FBH1: variants seen among roughly 807,000 people sequenced by gnomAD.
The protein encoded by FBH1 is F-box DNA helicase 1.
FBH1 carries 43 observed loss-of-function variants against 115.5 expected under a neutral mutation model. The observed-to-expected ratio is 0.37, with a 90% CI of 0.29 to 0.48. FBH1 has a LOEUF of 0.48. Ranked by LOEUF, FBH1 falls within the 20% of genes least tolerant of loss-of-function variation. The pLI, the probability that FBH1 is intolerant of heterozygous loss-of-function variation, is 0.99. For synonymous variants in FBH1, 524 were observed against 507.8 expected (o/e 1.03, Z -0.43); for missense variants, 1,001 against 1,337.3 (o/e 0.75, Z 3.92).
At position 5,933,054 on chromosome 10, in the gene FBH1, G is replaced by T. The variant is rs543736799; in HGVS notation, c.2830-3402G>T. ...TCTAGATGTTGCCAATTTTTTCATGGAGATTGTTATCACTTTAGAGTCCCA... is the reference window on the plus strand; with the variant it reads ...TCTAGATGTTGCCAATTTTTTCATGTAGATTGTTATCACTTTAGAGTCCCA... On this transcript the variant is annotated intron_variant, in intron 19 of 20. Transcript: ENST00000362091. The surrounding 1 kb of genome is among the most constrained non-coding windows in gnomAD (Gnocchi z 4.9). 2.6e-5 allele frequency among the ~76,000 whole-genome samples: 4 copies of T among 152,090 alleles called. No homozygotes were observed. Among genetic ancestry groups the T allele is most frequent in the African/African-American group, 9.7e-5 (4 of 41,440 alleles).
intron 19 of FBH1, among the ~76,000 whole-genome samples, chr10:5,930,780 C>T (rs756857401): frequency 7.9e-5 from 12 of 152,230 alleles, no homozygotes; most frequent in Non-Finnish European, 1.6e-4. Context: ...GACAGGCTCT[C>T]ACTCTGTTGC....
In FBH1 at chr10:5,917,471, G is replaced by A; in HGVS notation, c.1840G>A (p.Glu614Lys). ...RLWDNMRKLG[E>K]CTEEAHQMTH... is the part of the protein sequence containing the mutation. The stretch of plus-strand genomic sequence containing the variant: ...CTGGGATAACATGCGGAAGCTGGGG[G>A]AGTGCACAGAAGAGGCGCACCAGAT... The change falls in exon 11 of 21, where the codon GAG becomes AAG. Residue 614 changes from glutamate (E) to lysine (K), a missense_variant. Physicochemically the swap from Glu to Lys is moderately conservative, Grantham distance 56. This residue lies in a region of FBH1 where 521 missense variants were observed against 811.0 expected (regional missense o/e 0.64). Coordinates refer to ENST00000362091, the MANE Select transcript of FBH1 (RefSeq NM_178150.3). This position sits in a 1 kb window ranked among gnomAD's most constrained non-coding sequence, Gnocchi z 5.6. The A allele has an allele frequency of 6.2e-7, 1 of 1,614,248 alleles. No individual in the cohort carries two copies. The highest frequency in any genetic ancestry group is 8.5e-7 in the Non-Finnish European group (1 of 1,180,052).
chr10:5,908,934 TG>T lies in FBH1; in HGVS notation c.765del (p.Trp255Ter). ...EIISDPLFIP[W>X]KKLYHRYLMN... ...TTTTTTAACTGCATAGTTCATTCCT[TG>T]GAAGAAGCTGTACCATCGATACCTG... is the stretch of plus-strand genomic sequence containing the variant. On this transcript the variant is annotated frameshift_variant, in exon 4 of 21. Transcript: ENST00000362091. LOFTEE classifies it high-confidence loss of function. The T allele has an allele frequency of 6.2e-7, 1 of 1,614,168 alleles. No individual in the cohort carries two copies. The highest frequency in any genetic ancestry group is 8.5e-7 in the Non-Finnish European group (1 of 1,180,042).
chr10:5,904,098 A>G (rs1031203672), intron 2 of FBH1, among the ~76,000 whole-genome samples: 14 of 151,840 alleles, frequency 9.2e-5, no homozygotes, highest in African/African-American at 3.4e-4. Flanking sequence ...TCTGTCATCC[A>G]GGAGTGCAGT....
In FBH1 at chr10:5,924,385, G is replaced by A. The variant is rs1171766696; in HGVS notation, c.2473G>A (p.Val825Met). The change falls in exon 17 of 21, where the codon GTG becomes ATG. Residue 825 changes from valine to methionine, a missense_variant. Transcript: ENST00000362091. The surrounding 1 kb of genome is among the most constrained non-coding windows in gnomAD (Gnocchi z 6.2). Reference sequence around the variant, plus strand: ...AGGCTTTAGTGGCTTCAAGAGGTATGTGACCGCTGCCGAGGACAAGGAGCT... The same window carrying A: ...AGGCTTTAGTGGCTTCAAGAGGTATATGACCGCTGCCGAGGACAAGGAGCT... The part of the protein sequence containing the change: ...KEGFSGFKRY[V>M]TAAEDKELEA... 6.2e-7 allele frequency: 1 copy of A among 1,614,226 alleles called. No homozygotes were observed. The highest frequency in any genetic ancestry group is 1.3e-5 in the African/African-American group (1 of 75,068).
rs1222684900 is a variant in FBH1, at chr10:5,913,010, G to A, written c.1212-737G>A. On this transcript the variant is annotated intron_variant, in intron 6 of 20. Transcript: ENST00000362091. This position sits in a 1 kb window ranked among gnomAD's most constrained non-coding sequence, Gnocchi z 4.4. ...GATGGGCTCTTTTCGCTCTGGGGAT[G>A]GGGGGCAGTGCACTCGATTGTTGGG... Among the ~76,000 whole-genome samples the A allele has an allele frequency of 1.3e-5, 2 of 152,150 alleles. No individual in the cohort carries two copies. The highest frequency in any genetic ancestry group is 1.3e-4 in the Admixed American group (2 of 15,286).
At chr10:5,929,257 A>G (rs1832833600) in intron 19 of FBH1, 1 of 152,224 alleles carries the variant, frequency 6.6e-6, no homozygotes, top group Admixed American at 6.5e-5. Context: ...TAAAAGAGAG[A>G]AGCTTTGCAA....
At chr10:5,912,803 A>G (rs950448555) in intron 6 of FBH1, among the ~76,000 whole-genome samples, 1 of 152,076 alleles carries the variant, frequency 6.6e-6, no homozygotes, top group Admixed American at 6.6e-5. Flanking sequence ...TCCACACACC[A>G]CATTGGGGTA....
intron 1 of FBH1, among the ~76,000 whole-genome samples, chr10:5,890,593 C>T (rs1272570547): frequency 6.6e-6 from 1 of 151,186 alleles, no homozygotes; most frequent in Non-Finnish European, 1.5e-5. Context: ...CGGGAGCGGC[C>T]CCCGCGCTGC....
chr10:5,927,749 C>G (rs575100435), intron 19 of FBH1, among the ~76,000 whole-genome samples: 1 of 152,066 alleles, frequency 6.6e-6, no homozygotes, highest in Non-Finnish European at 1.5e-5. Flanking sequence ...AAGTCATTTC[C>G]TAATTCAGTT....
chr10:5,913,597 T>C lies in FBH1; in HGVS notation c.1212-150T>C. 1 of 555,768 alleles carries C rather than the reference T, an allele frequency of 1.8e-6. No homozygotes were observed. Among genetic ancestry groups the C allele is most frequent in the Non-Finnish European group, 3.1e-6 (1 of 325,708 alleles). The allele number at this position is 555,768 out of a possible 1,614,324, so 34.4% of individuals were successfully genotyped here. On this transcript the variant is annotated intron_variant, in intron 6 of 20. Coordinates refer to ENST00000362091, the MANE Select transcript of FBH1 (RefSeq NM_178150.3). The surrounding 1 kb of genome is among the most constrained non-coding windows in gnomAD (Gnocchi z 4.4). ...GAATGCTTTGCCAGCCATAGATATATTTAAATCCTTTTCTTTCTTTTTTCC... is the reference window on the plus strand; with the variant it reads ...GAATGCTTTGCCAGCCATAGATATACTTAAATCCTTTTCTTTCTTTTTTCC...
rs559655380 is a variant in FBH1, at chr10:5,931,884, C to T, written c.2829+4343C>T. Among the ~76,000 whole-genome samples the T allele has an allele frequency of 6.6e-6, 1 of 152,216 alleles. No homozygotes were observed. The highest frequency in any genetic ancestry group is 1.5e-5 in the Non-Finnish European group (1 of 68,050). On this transcript the variant is annotated intron_variant, in intron 19 of 20. Coordinates refer to ENST00000362091, the MANE Select transcript of FBH1 (RefSeq NM_178150.3). This position sits in a 1 kb window ranked among gnomAD's most constrained non-coding sequence, Gnocchi z 4.3. ...TGCGCCTGGGCACAGTGGCTCACCCCTGTAATCCCAGCACTTTGCGGGGCT... is the reference window on the plus strand; with the variant it reads ...TGCGCCTGGGCACAGTGGCTCACCCTTGTAATCCCAGCACTTTGCGGGGCT...
chr10:5,917,468 G>A lies in FBH1; in HGVS notation c.1837G>A (p.Gly613Arg), dbSNP rs766223384. 3 of 1,614,174 alleles carry A rather than the reference G, an allele frequency of 1.9e-6. No homozygotes were observed. The highest frequency in any genetic ancestry group is 2.5e-6 in the Non-Finnish European group (3 of 1,180,038). Residue 613 changes from glycine (G) to arginine (R), a missense_variant, in exon 11 of 21, where the codon GGG (glycine) becomes AGG (arginine). Gly to Arg is a moderately radical substitution (Grantham distance 125, BLOSUM62 -2). This residue lies in a region of FBH1 where 521 missense variants were observed against 811.0 expected (regional missense o/e 0.64). Transcript: ENST00000362091. The surrounding 1 kb of genome is among the most constrained non-coding windows in gnomAD (Gnocchi z 5.6). ...SRLWDNMRKL[G>R]ECTEEAHQMT... is the part of the protein sequence containing the mutation. ...CCTCTGGGATAACATGCGGAAGCTG[G>A]GGGAGTGCACAGAAGAGGCGCACCA...
In FBH1 at chr10:5,918,941, C is replaced by T. The variant is rs996912417; in HGVS notation, c.2100+463C>T. On this transcript the variant is annotated intron_variant, in intron 13 of 20. Coordinates refer to ENST00000362091, the MANE Select transcript of FBH1 (RefSeq NM_178150.3). The surrounding 1 kb of genome is among the most constrained non-coding windows in gnomAD (Gnocchi z 4.0). ...ACAACTCACAGTGTCCTTGATTATG[C>T]GAAAAGTTTATTATGCGCTCCTTCC... is the stretch of plus-strand genomic sequence containing the variant. Among the ~76,000 whole-genome samples, 3 of 152,176 alleles carry T rather than the reference C, an allele frequency of 2.0e-5. No individual in the cohort carries two copies. Among genetic ancestry groups the T allele is most frequent in the Non-Finnish European group, 4.4e-5 (3 of 68,028 alleles).
rs1328909355 is a variant in FBH1 at position 5,917,982 on chromosome 10, T to C, written c.1963+306T>C. ...TTGACAGGGAAAAGCTTGTGTTGTC[T>C]ACTTCTCAAGTGGCTAGGAGAGAAC... On this transcript the variant is annotated intron_variant, in intron 12 of 20. Transcript: ENST00000362091. The surrounding 1 kb of genome is among the most constrained non-coding windows in gnomAD (Gnocchi z 5.6). Among the ~76,000 whole-genome samples, 1 of 152,248 alleles carries C rather than the reference T, an allele frequency of 6.6e-6. No homozygotes were observed. The highest frequency in any genetic ancestry group is 6.5e-5 in the Admixed American group (1 of 15,288).
At position 5,927,500 on chromosome 10, in the gene FBH1, A is replaced by T; in HGVS notation, c.2788A>T (p.Ile930Phe). The change falls in exon 19 of 21, where the codon ATC becomes TTC. Residue 930 changes from isoleucine to phenylalanine, a missense_variant. Around this residue, in one of 4 missense-constraint regions of FBH1, gnomAD observed 521 missense variants for 811.0 expected, o/e 0.64. Transcript: ENST00000362091. ...VAVTRAKKRL[I>F]MTKSLENILT... ...AGTAACTCGAGCCAAGAAGCGTCTC[A>T]TCATGACCAAATCATTGGAAAACAT... 1 of 1,613,714 alleles carries T rather than the reference A, an allele frequency of 6.2e-7. No homozygotes were observed. Among genetic ancestry groups the T allele is most frequent in the Non-Finnish European group, 8.5e-7 (1 of 1,179,918 alleles).
rs1272801704 is a variant in FBH1 at position 5,910,269 on chromosome 10, C to T, written c.1021-669C>T. Among the ~76,000 whole-genome samples, 2 of 150,746 alleles carry T rather than the reference C, an allele frequency of 1.3e-5. No homozygotes were observed. Among genetic ancestry groups the T allele is most frequent in the Non-Finnish European group, 2.9e-5 (2 of 67,824 alleles). Reference sequence around the variant, plus strand: ...TGCACTCCAGCCTGTGTGACAGAGTCAGACTTTGTCTCAAAAAAAAAAAAA... The same window carrying T: ...TGCACTCCAGCCTGTGTGACAGAGTTAGACTTTGTCTCAAAAAAAAAAAAA... On this transcript the variant is annotated intron_variant, in intron 5 of 20. Coordinates refer to ENST00000362091, the MANE Select transcript of FBH1 (RefSeq NM_178150.3). This position sits in a 1 kb window ranked among gnomAD's most constrained non-coding sequence, Gnocchi z 4.8.
chr10:5,902,657 C>T (rs1843421399), intron 1 of FBH1, among the ~76,000 whole-genome samples: 1 of 152,002 alleles, frequency 6.6e-6, no homozygotes, highest in East Asian at 1.9e-4. Flanking sequence ...AGTAGACTTA[C>T]TAAAAATGTC....
At position 5,916,287 on chromosome 10, in the gene FBH1, A is replaced by G. The variant is rs752739979; in HGVS notation, c.1619A>G (p.Asn540Ser). Reference protein sequence around the residue: ...NLFKLTPFMVNSVLAEGKGGF... With the variant: ...NLFKLTPFMVSSVLAEGKGGF... The stretch of plus-strand genomic sequence containing the variant: ...TTCAAGTTAACACCCTTCATGGTCA[A>G]CTCCGTCCTTGCTGAAGGGAAGGGT... The change falls in exon 10 of 21, where the codon AAC (asparagine) becomes AGC (serine). Residue 540 changes from asparagine to serine, a missense_variant. Asn to Ser is a conservative substitution (Grantham distance 46). Coordinates refer to ENST00000362091, the MANE Select transcript of FBH1 (RefSeq NM_178150.3). The G allele has an allele frequency of 5.0e-6, 8 of 1,614,120 alleles. No individual in the cohort carries two copies. The highest frequency in any genetic ancestry group is 1.7e-5 in the Admixed American group (1 of 60,004).
Sources: gnomAD v4.1 joint callset for allele counts (sites outside exome capture counted in the v4.1 genomes callset) on GRCh38, gnomAD v4.1.1 for gene constraint, gnomAD v4.1.1 regional missense constraint, Gnocchi (gnomAD v3.1) non-coding constraint, MANE v1.5 for transcripts, NCBI Gene and HGNC (gene_info 2026-07-23, HGNC 2026-07-21) for gene names.